PRKDC: variants seen among roughly 807,000 people sequenced by gnomAD.
PRKDC encodes protein kinase, DNA-activated, catalytic subunit, also known as DNA-dependent protein kinase catalytic subunit.
In PRKDC, 82 loss-of-function variants were observed where a neutral mutation model predicts 486.9. That is an observed-to-expected ratio of 0.17 (90% CI 0.14 to 0.20). The LOEUF is 0.20. PRKDC is among the 10% of genes least tolerant of loss of function. The pLI is 1.00. For synonymous variants in PRKDC, 1,895 were observed against 1,837.0 expected, an observed-to-expected ratio of 1.03 and a Z score of -0.81; for missense variants, 4,504 against 5,038.2, an observed-to-expected ratio of 0.89 and a Z score of 3.21.
intron 39 of PRKDC, among the ~76,000 whole-genome samples, chr8:47,878,658 C>T (rs986243424): frequency 4.7e-4 from 71 of 152,218 alleles, no homozygotes; most frequent in African/African-American, 1.6e-3. Context: ...CTAGGAGATA[C>T]CCTTAATTTT....
intron 67 of PRKDC, 30 bp from the exon 68 acceptor site, chr8:47,817,591 A>G (rs1216404466): frequency 3.0e-6 from 4 of 1,321,534 alleles, no homozygotes; most frequent in South Asian, 1.3e-5. Flanking sequence ...GTGACTATAC[A>G]CACAGCTCAA....
intron 21 of PRKDC, among the ~76,000 whole-genome samples, chr8:47,923,001 A>C (rs760813344): frequency 1.3e-5 from 2 of 152,164 alleles, no homozygotes; most frequent in Non-Finnish European, 2.9e-5. Flanking sequence ...AGGTCACTTA[A>C]TCTTGAAAAG....
At chr8:47,908,771 A>G (rs1007024380) in intron 25 of PRKDC, among the ~76,000 whole-genome samples, 34 of 152,244 alleles carry the variant, frequency 2.2e-4, no homozygotes, top group African/African-American at 7.2e-4. Flanking sequence ...CTGATGTGTT[A>G]TCAACAAAAA....
chr8:47,788,866 C>T (rs374787100), intron 76 of PRKDC, 40 bp downstream of exon 76: 37 of 1,496,106 alleles, frequency 2.5e-5, no homozygotes, highest in Non-Finnish European at 3.1e-5. Flanking sequence ...ACTGTCACAA[C>T]GACTCTGCTA....
Position 47,864,655 on chromosome 8 carries a change from G to A in PRKDC, c.5472C>T (p.Leu1824=). The part of the protein sequence containing the change: ...FTRQSFVDRS[L]LTLLWHCSLD... Reference sequence around the variant, plus strand: ...GGCTACAGTGCCACAGCAGAGTGAGGAGGGAGCGGTCCACAAAGGACTGGC... The same window carrying A: ...GGCTACAGTGCCACAGCAGAGTGAGAAGGGAGCGGTCCACAAAGGACTGGC... Residue 1824 remains leucine (L), a synonymous_variant, in exon 41 of 86, where the codon CTC becomes CTT. Transcript: ENST00000314191. The A allele has an allele frequency of 1.2e-6, 2 of 1,608,990 alleles. No individual in the cohort carries two copies. Among genetic ancestry groups the A allele is most frequent in the East Asian group, 2.2e-5 (1 of 44,786 alleles).
intron 68 of PRKDC, among the ~76,000 whole-genome samples, chr8:47,812,500 A>G (rs376088035): frequency 4.6e-5 from 7 of 152,328 alleles, no homozygotes; most frequent in South Asian, 2.1e-4. Flanking sequence ...TTGGAAATTA[A>G]AACACTTAAA....
At chr8:47,879,704 T>C (rs1186512985) in intron 38 of PRKDC, 46 bp from the exon 39 acceptor site, 5 of 1,430,520 alleles carry the variant, frequency 3.5e-6, no homozygotes. Flanking sequence ...TTATGGCTTA[T>C]ATATCCTACA....
chr8:47,945,763 C>T (rs2090523217), intron 7 of PRKDC, among the ~76,000 whole-genome samples: 1 of 152,108 alleles, frequency 6.6e-6, no homozygotes, highest in East Asian at 1.9e-4. Context: ...ACTCTATCAC[C>T]CAGGCTGGAG....
chr8:47,891,573 A>G (rs1238393852), intron 31 of PRKDC, among the ~76,000 whole-genome samples: 3 of 152,012 alleles, frequency 2.0e-5, no homozygotes. Flanking sequence ...ACAAAAAATT[A>G]GCTGGGCGTG....
intron 10 of PRKDC, 66 bp from the exon 11 acceptor site, chr8:47,939,763 A>C: frequency 7.6e-7 from 1 of 1,321,718 alleles, no homozygotes; most frequent in East Asian, 2.5e-5. Context: ...ACAAACATGG[A>C]AAAACTAGAA....
chr8:47,841,493 TTTGCCAGTGGCC>T (rs1306377108), intron 54 of PRKDC, among the ~76,000 whole-genome samples: 3 of 152,136 alleles, frequency 2.0e-5, no homozygotes, highest in African/African-American at 7.2e-5. Context: ...GCCTGAGTGC[TTTGCCAGTGGCC>T]TTGGAGCACT....
At chr8:47,913,779 A>G (rs2089944574) in intron 24 of PRKDC, 122 bp downstream of exon 24, 11 of 993,772 alleles carry the variant, frequency 1.1e-5, no homozygotes, top group Non-Finnish European at 1.5e-5. Context: ...TAATTACTAT[A>G]TTACAGAAAA....
At chr8:47,881,110 GA>G (rs1286926941) in intron 38 of PRKDC, among the ~76,000 whole-genome samples, 36 of 150,940 alleles carry the variant, frequency 2.4e-4, no homozygotes, top group African/African-American at 7.8e-4. Context: ...AAGCAAGAAA[GA>G]AAGAAATGTT....
At chr8:47,895,276 A>C (rs920470812) in intron 30 of PRKDC, among the ~76,000 whole-genome samples, 4 of 152,182 alleles carry the variant, frequency 2.6e-5, no homozygotes, top group Non-Finnish European at 5.9e-5. Flanking sequence ...AGGTGGCTAC[A>C]CCCTGCAAGG....
intron 45 of PRKDC, 103 bp downstream of exon 45, chr8:47,860,796 A>G (rs537965052): frequency 1.2e-6 from 1 of 841,618 alleles, no homozygotes; most frequent in East Asian, 2.9e-5. Context: ...AGTATTTTCT[A>G]TTTACATAAA....
At chr8:47,909,584 C>A (rs2089858461) in intron 25 of PRKDC, among the ~76,000 whole-genome samples, 1 of 152,164 alleles carries the variant, frequency 6.6e-6, no homozygotes, top group Non-Finnish European at 1.5e-5. Flanking sequence ...GGTCTGACTG[C>A]CTACAGGGTC....
intron 73 of PRKDC, among the ~76,000 whole-genome samples, chr8:47,795,571 C>G (rs1563738302): frequency 6.7e-6 from 1 of 149,342 alleles, no homozygotes; most frequent in African/African-American, 2.5e-5. Flanking sequence ...CAGCTCACTG[C>G]AACCTTTGCT....
At chr8:47,925,706 C>T (rs921644617) in intron 21 of PRKDC, among the ~76,000 whole-genome samples, 1 of 152,182 alleles carries the variant, frequency 6.6e-6, no homozygotes, top group Non-Finnish European at 1.5e-5. Context: ...TCTTCAAGAT[C>T]TATGACACCT....
chr8:47,939,961 A>C lies in PRKDC; in HGVS notation c.967-264T>G, dbSNP rs551929167. The C allele has an allele frequency of 9.8e-5, 23 of 234,420 alleles. 1 individual carries two copies. Among genetic ancestry groups the C allele is most frequent in the South Asian group, 9.0e-4 (6 of 6,640 alleles). 14.5% of individuals were successfully genotyped at this position (234,420 alleles called of 1,614,324 possible). A position where few individuals can be genotyped will look rare whatever the true frequency, so the allele number is the denominator to read the frequency against. ...ATACACATAAGTCTGAAAAAAAAAA[A>C]AAAAAAAAACCAAAAACAGGTTTTG... On this transcript the variant is annotated intron_variant, in intron 10 of 85. Coordinates refer to ENST00000314191, the MANE Select transcript of PRKDC (RefSeq NM_006904.7).
Sources: allele counts gnomAD v4.1 joint callset (sites outside exome capture counted in the v4.1 genomes callset), GRCh38; gene constraint gnomAD v4.1.1; transcripts MANE v1.5; gene names NCBI Gene and HGNC (gene_info 2026-07-23, HGNC 2026-07-21).